Variants in NAV3 observed in about 807,000 individuals in gnomAD.
NAV3 encodes neuron navigator 3.
Under a neutral mutation model 244.7 loss-of-function variants are expected in NAV3, and 87 were observed. The ratio of observed to expected loss-of-function variants is 0.36; its 90% CI spans 0.30 to 0.42. The LOEUF (loss-of-function observed/expected upper bound fraction) is 0.42, where lower values mean the gene tolerates loss of function less well. NAV3 is among the 20% of genes least tolerant of loss of function. NAV3 has a pLI of 1.00. For synonymous variants in NAV3, 1,126 were observed against 1,042.2 expected (o/e 1.08, Z -1.55); for missense variants, 2,663 against 2,893.3 (o/e 0.92, Z 1.83).
At chr12:77,889,942 G>A (rs1465258571) in intron 1 of NAV3, among the ~76,000 whole-genome samples, 1 of 152,012 alleles carries the variant, frequency 6.6e-6, no homozygotes, top group Admixed American at 6.6e-5. Context: ...TATCATTCTT[G>A]GCCTATAGCT....
intron 35 of NAV3, among the ~76,000 whole-genome samples, chr12:78,197,735 TC>T (rs1446417402): frequency 6.6e-6 from 1 of 152,056 alleles, no homozygotes; most frequent in East Asian, 1.9e-4. Context: ...ATCTATGTAT[TC>T]ATTCAACAAC....
At chr12:77,759,097 G>T (rs200946866) in intron 2 of NAV3, among the ~76,000 whole-genome samples, 1 of 152,142 alleles carries the variant, frequency 6.6e-6, no homozygotes, top group South Asian at 2.1e-4. Flanking sequence ...ACCCTGCCAC[G>T]CCAGTCTATA....
chr12:78,054,768 AT>A lies in NAV3; in HGVS notation c.2516+3622del, dbSNP rs530995764. Among the ~76,000 whole-genome samples the A allele has an allele frequency of 1.2e-4, 19 of 152,288 alleles. No individual in the cohort carries two copies. The East Asian group carries it at 2.5e-3, about 20-fold the overall frequency. On this transcript the variant is annotated intron_variant, in intron 11 of 39. Transcript: ENST00000397909. ...ACATCATAAGCACAGGAGATGGAAA[AT>A]AGTACCGTTAGAGAAAATCGGCAGA...
At chr12:77,634,301 G>A (rs1292423145) in intron 2 of NAV3, among the ~76,000 whole-genome samples, 1 of 152,088 alleles carries the variant, frequency 6.6e-6, no homozygotes, top group Non-Finnish European at 1.5e-5. Flanking sequence ...ATCCTCACCA[G>A]CATTCATTGC....
chr12:77,680,336 G>C (rs1874395542), intron 2 of NAV3, among the ~76,000 whole-genome samples: 1 of 152,074 alleles, frequency 6.6e-6, no homozygotes, highest in African/African-American at 2.4e-5. Context: ...ATCTATTAGG[G>C]TAATGCTGTT....
At chr12:77,617,041 G>A (rs1039922827) in intron 2 of NAV3, among the ~76,000 whole-genome samples, 5 of 152,006 alleles carry the variant, frequency 3.3e-5, no homozygotes, top group East Asian at 1.9e-4. Flanking sequence ...TGAGTTTCCC[G>A]AGCACATCTT....
chr12:77,871,041 G>A (rs1375206086), intron 1 of NAV3, among the ~76,000 whole-genome samples: 1 of 152,114 alleles, frequency 6.6e-6, no homozygotes, highest in Non-Finnish European at 1.5e-5. Flanking sequence ...GCACATGAAA[G>A]TAACCGGCCC....
intron 1 of NAV3, among the ~76,000 whole-genome samples, chr12:77,865,921 T>TA (rs938072946): frequency 7.0e-6 from 1 of 143,028 alleles, no homozygotes; most frequent in African/African-American, 2.5e-5. Flanking sequence ...AACATACTTT[T>TA]AAAAAAATGC....
intron 9 of NAV3, among the ~76,000 whole-genome samples, chr12:78,033,709 C>G (rs772104746): frequency 1.4e-4 from 22 of 152,136 alleles, no homozygotes; most frequent in Non-Finnish European, 2.4e-4. Context: ...TTTTGATAAG[C>G]CTTCTCTACA....
intron 39 of NAV3, among the ~76,000 whole-genome samples, chr12:78,208,985 A>G (rs1960619525): frequency 6.6e-6 from 1 of 152,132 alleles, no homozygotes; most frequent in Non-Finnish European, 1.5e-5. Context: ...AAGAGAGAGG[A>G]GAGTGGGAGA....
chr12:77,655,380 G>A (rs367906193), intron 2 of NAV3, among the ~76,000 whole-genome samples: 1 of 152,088 alleles, frequency 6.6e-6, no homozygotes, highest in Admixed American at 6.6e-5. Flanking sequence ...AATGAATGAA[G>A]TGAAGCGAGA....
chr12:77,982,756 G>A (rs2136279474), intron 5 of NAV3, among the ~76,000 whole-genome samples: 1 of 152,292 alleles, frequency 6.6e-6, no homozygotes, highest in Middle Eastern at 3.4e-3. Context: ...CAATGGAGAA[G>A]GATGGAATGG....
chr12:78,027,281 A>G (rs1878216977), intron 9 of NAV3, among the ~76,000 whole-genome samples: 1 of 152,058 alleles, frequency 6.6e-6, no homozygotes, highest in Non-Finnish European at 1.5e-5. Flanking sequence ...AAAAAAAAAA[A>G]AAATTCAAAT....
intron 3 of NAV3, among the ~76,000 whole-genome samples, chr12:77,945,771 G>A (rs1006875263): frequency 5.3e-5 from 8 of 151,730 alleles, no homozygotes; most frequent in South Asian, 2.1e-4. Context: ...TTTTTGAGAC[G>A]AAGTCTCGCT....
intron 12 of NAV3, among the ~76,000 whole-genome samples, chr12:78,087,079 G>A (rs532112995): frequency 1.3e-5 from 2 of 152,026 alleles, no homozygotes; most frequent in African/African-American, 4.8e-5. Context: ...AGCATCACTA[G>A]GCATTTGTTA....
intron 2 of NAV3, among the ~76,000 whole-genome samples, chr12:77,745,141 T>C (rs1868470724): frequency 6.6e-6 from 1 of 152,084 alleles, no homozygotes; most frequent in Admixed American, 6.6e-5. Context: ...TGTCTTTTGG[T>C]TTAAACCTAA....
intron 5 of NAV3, among the ~76,000 whole-genome samples, chr12:77,983,700 T>G (rs1237295145): frequency 6.6e-6 from 1 of 152,130 alleles, no homozygotes. Flanking sequence ...CACAAAACTC[T>G]GGGGACCACA....
chr12:78,124,464 T>C (rs1383109786), intron 16 of NAV3, among the ~76,000 whole-genome samples: 1 of 152,164 alleles, frequency 6.6e-6, no homozygotes, highest in East Asian at 1.9e-4. Context: ...ATGTTATTTA[T>C]TTGTTTTGAA....
chr12:77,770,515 T>C (rs1054638019), intron 2 of NAV3, among the ~76,000 whole-genome samples: 6 of 152,140 alleles, frequency 3.9e-5, no homozygotes, highest in African/African-American at 1.4e-4. Flanking sequence ...TCTTAAGAAA[T>C]AGACTCAGAA....
Sources: allele counts gnomAD v4.1 joint callset (sites outside exome capture counted in the v4.1 genomes callset), GRCh38; gene constraint gnomAD v4.1.1; transcripts MANE v1.5; gene names NCBI Gene and HGNC (gene_info 2026-07-23, HGNC 2026-07-21).